The following BMPER variants were observed in gnomAD, a reference collection of about 807,000 sequenced individuals.
The protein encoded by BMPER is BMP binding endothelial regulator, also known as BMP-binding endothelial regulator protein.
In BMPER, 45 loss-of-function variants were observed where a neutral mutation model predicts 87.3. The ratio of observed to expected loss-of-function variants is 0.52; its 90% CI spans 0.41 to 0.66. BMPER has a LOEUF of 0.66. Ranked by LOEUF, BMPER falls within the 30% of genes least tolerant of loss-of-function variation. The pLI is 0.00. For synonymous variants in BMPER, 326 were observed against 316.2 expected (o/e 1.03, Z -0.33); for missense variants, 784 against 867.5 (o/e 0.90, Z 1.21).
chr7:33,936,727 A>C (rs935324289), intron 2 of BMPER, among the ~76,000 whole-genome samples: 1 of 152,220 alleles, frequency 6.6e-6, no homozygotes, highest in African/African-American at 2.4e-5. Context: ...CCACAGCTAG[A>C]AAACACTGAC....
At chr7:33,906,754 T>TA in intron 1 of BMPER, 64 bp from the exon 2 acceptor site, 2 of 1,457,324 alleles carry the variant, frequency 1.4e-6, no homozygotes, top group Admixed American at 3.4e-5. Context: ...GTAAAAATTT[T>TA]AAATGTTGAA....
chr7:33,920,418 GTGT>G (rs1391846064), intron 2 of BMPER, among the ~76,000 whole-genome samples: 3 of 99,940 alleles, frequency 3.0e-5, no homozygotes, highest in Admixed American at 1.2e-4. Context: ...AAACTCCGTT[GTGT>G]TTTTTTTTTT....
intron 2 of BMPER, among the ~76,000 whole-genome samples, chr7:33,932,064 C>T (rs907276771): frequency 1.3e-5 from 2 of 152,140 alleles, no homozygotes; most frequent in Admixed American, 1.3e-4. Context: ...TATAGTGATA[C>T]GTGTGCCAAG....
chr7:34,054,272 C>G (rs182664938), intron 8 of BMPER, among the ~76,000 whole-genome samples: 8 of 151,442 alleles, frequency 5.3e-5, no homozygotes, highest in African/African-American at 1.2e-4. Context: ...AAAGCACGCT[C>G]TCTCTCTCCA....
At chr7:33,911,225 A>T (rs138826795) in intron 2 of BMPER, among the ~76,000 whole-genome samples, 17 of 152,348 alleles carry the variant, frequency 1.1e-4, no homozygotes, top group South Asian at 1.0e-3. Flanking sequence ...GGGAAAGGTA[A>T]CAGTTAATGT....
intron 13 of BMPER, among the ~76,000 whole-genome samples, chr7:34,118,380 G>A (rs1370295315): frequency 2.0e-5 from 3 of 152,172 alleles, no homozygotes; most frequent in African/African-American, 4.8e-5. Flanking sequence ...CACTCTTTAT[G>A]TATGATACTG....
intron 7 of BMPER, among the ~76,000 whole-genome samples, chr7:34,047,662 AC>A (rs1384549763): frequency 1.3e-5 from 2 of 152,042 alleles, no homozygotes; most frequent in Non-Finnish European, 2.9e-5. Context: ...GGCTTGAGCC[AC>A]CATGCAAATA....
intron 13 of BMPER, among the ~76,000 whole-genome samples, chr7:34,088,104 C>A (rs1158752737): frequency 1.3e-5 from 2 of 152,170 alleles, no homozygotes; most frequent in African/African-American, 4.8e-5. Flanking sequence ...GCTTGATGCC[C>A]TGAGTTGGGC....
chr7:34,034,769 A>G (rs555740531), intron 6 of BMPER, among the ~76,000 whole-genome samples: 1 of 152,300 alleles, frequency 6.6e-6, no homozygotes, highest in Admixed American at 6.5e-5. Context: ...GTGGTACTGA[A>G]CTTGGGATGA....
intron 6 of BMPER, among the ~76,000 whole-genome samples, chr7:34,029,342 G>T (rs1787464724): frequency 6.6e-6 from 1 of 152,044 alleles, no homozygotes; most frequent in Non-Finnish European, 1.5e-5. Flanking sequence ...TTTCAGCGTT[G>T]GGGGACCAGG....
chr7:34,060,847 G>A (rs1370085242), intron 10 of BMPER, among the ~76,000 whole-genome samples: 2 of 152,098 alleles, frequency 1.3e-5, no homozygotes, highest in African/African-American at 4.8e-5. Context: ...TAAAGTATGA[G>A]GAATGCATAG....
intron 6 of BMPER, among the ~76,000 whole-genome samples, chr7:34,019,609 G>A (rs1787126916): frequency 6.6e-6 from 1 of 152,008 alleles, no homozygotes; most frequent in Non-Finnish European, 1.5e-5. Flanking sequence ...ATCTGATGGA[G>A]TTTAGGCAGC....
intron 12 of BMPER, among the ~76,000 whole-genome samples, chr7:34,083,782 CCTCTCTCT>C (rs138588578): frequency 6.6e-6 from 1 of 150,492 alleles, no homozygotes; most frequent in Non-Finnish European, 1.5e-5. Flanking sequence ...TAGACAAGAT[CCTCTCTCT>C]CTCTCTCTCC....
intron 2 of BMPER, among the ~76,000 whole-genome samples, chr7:33,912,267 C>T (rs1266042979): frequency 6.6e-6 from 1 of 152,182 alleles, no homozygotes; most frequent in East Asian, 1.9e-4. Context: ...GACTCGGGAG[C>T]ACTGTAATTC....
intron 3 of BMPER, among the ~76,000 whole-genome samples, chr7:33,952,526 G>T (rs1181317800): frequency 1.3e-5 from 2 of 152,150 alleles, no homozygotes; most frequent in African/African-American, 2.4e-5. Context: ...CCTGGCAAAG[G>T]AATGATTTGA....
intron 6 of BMPER, among the ~76,000 whole-genome samples, chr7:34,018,275 C>T (rs944582504): frequency 1.3e-5 from 2 of 151,936 alleles, no homozygotes; most frequent in Non-Finnish European, 2.9e-5. Context: ...AACATTTTCT[C>T]TCTTAGCAAC....
At chr7:33,991,442 T>C (rs1786214717) in intron 6 of BMPER, among the ~76,000 whole-genome samples, 1 of 152,172 alleles carries the variant, frequency 6.6e-6, no homozygotes, top group African/African-American at 2.4e-5. Flanking sequence ...AGTTTGTATT[T>C]CTGTGGGATC....
intron 6 of BMPER, among the ~76,000 whole-genome samples, chr7:34,026,819 A>G (rs1490382690): frequency 6.6e-6 from 1 of 152,074 alleles, no homozygotes; most frequent in Non-Finnish European, 1.5e-5. Context: ...ATTTCTATCT[A>G]CTGAATACCT....
chr7:34,125,144 A>G (rs1790369373), intron 13 of BMPER, among the ~76,000 whole-genome samples: 1 of 152,142 alleles, frequency 6.6e-6, no homozygotes, highest in African/African-American at 2.4e-5. Flanking sequence ...TCCTTGTTAC[A>G]TTTTGGTAAG....
Sources: allele counts gnomAD v4.1 joint callset (sites outside exome capture counted in the v4.1 genomes callset), GRCh38; gene constraint gnomAD v4.1.1; transcripts MANE v1.5; gene names NCBI Gene and HGNC (gene_info 2026-07-23, HGNC 2026-07-21).